Variants in ADIPOR2 observed in about 807,000 individuals in gnomAD.
ADIPOR2 encodes the protein adiponectin receptor protein 2.
A neutral mutation model predicts 40.9 loss-of-function variants in ADIPOR2; 18 were observed. That is an observed-to-expected ratio of 0.44 (90% CI 0.30 to 0.65). ADIPOR2 has a LOEUF of 0.65. ADIPOR2 is among the 30% of genes least tolerant of loss of function. The pLI, the probability that ADIPOR2 is intolerant of heterozygous loss-of-function variation, is 0.09. For missense variants in ADIPOR2, 283 were observed against 479.2 expected (o/e 0.59, Z 3.82); for synonymous variants, 165 against 166.4 (o/e 0.99, Z 0.06).
chr12:1,693,738 C>A (rs904718654), intron 1 of ADIPOR2, among the ~76,000 whole-genome samples: 3 of 151,926 alleles, frequency 2.0e-5, no homozygotes, highest in Admixed American at 6.6e-5. Context: ...GGGGTTTCAC[C>A]ATGTTGGCCA....
intron 1 of ADIPOR2, among the ~76,000 whole-genome samples, chr12:1,753,915 T>G (rs1215423642): frequency 6.6e-6 from 1 of 152,198 alleles, no homozygotes; most frequent in Non-Finnish European, 1.5e-5. Flanking sequence ...AAGTAAGTAT[T>G]CTTCTCACTT....
Position 1,754,453 on chromosome 12 carries a change from G to A in ADIPOR2, c.110G>A (p.Ser37Asn). 4 of 1,613,390 alleles carry A rather than the reference G, an allele frequency of 2.5e-6. No homozygotes were observed. Among genetic ancestry groups the A allele is most frequent in the East Asian group, 2.2e-5 (1 of 44,856 alleles). The change falls in exon 2 of 8, where the codon AGC (serine) becomes AAC (asparagine). Residue 37 changes from serine (S) to asparagine (N), a missense_variant. Transcript: ENST00000357103. The part of the protein sequence containing the change: ...LDGTRRGDND[S>N]HQGDLEPILE... ...GGTACACGAAGAGGTGATAATGACA[G>A]CCACCAAGGAGATTTGGAGCCCATT...
intron 1 of ADIPOR2, among the ~76,000 whole-genome samples, chr12:1,713,466 G>A (rs1270167174): frequency 6.6e-6 from 1 of 152,006 alleles, no homozygotes; most frequent in African/African-American, 2.4e-5. Flanking sequence ...AGGCCTTAAG[G>A]GATATTGCCT....
At chr12:1,711,537 T>C (rs2094676794) in intron 1 of ADIPOR2, among the ~76,000 whole-genome samples, 1 of 152,106 alleles carries the variant, frequency 6.6e-6, no homozygotes, top group African/African-American at 2.4e-5. Flanking sequence ...GACAGAAATT[T>C]ACCCTGGCTT....
At chr12:1,785,646 GCAAGAGAGTCTGTGTGTCATTTGCCA>G (rs1183608055) in intron 7 of ADIPOR2, among the ~76,000 whole-genome samples, 1 of 66,516 alleles carries the variant, frequency 1.5e-5, no homozygotes, top group Non-Finnish European at 4.7e-5. Flanking sequence ...TGCCACTTTA[GCAAGAGAGTCTGTGTGTCATTTGCCA>G]CTGGTTTCAG....
intron 2 of ADIPOR2, among the ~76,000 whole-genome samples, chr12:1,754,723 C>T (rs145116184): frequency 2.1e-5 from 2 of 95,508 alleles, no homozygotes; most frequent in Non-Finnish European, 2.5e-5. Context: ...ACTACTACTA[C>T]TACTACTACT....
At chr12:1,710,890 A>G (rs549675041) in intron 1 of ADIPOR2, among the ~76,000 whole-genome samples, 6 of 152,150 alleles carry the variant, frequency 3.9e-5, no homozygotes, top group Non-Finnish European at 4.4e-5. Flanking sequence ...GGAGGAAACA[A>G]ATTTGACAAG....
At chr12:1,783,209 T>A (rs1339900438) in intron 6 of ADIPOR2, among the ~76,000 whole-genome samples, 1 of 151,896 alleles carries the variant, frequency 6.6e-6, no homozygotes, top group African/African-American at 2.4e-5. Flanking sequence ...CAACAACGCC[T>A]GCTGCTTCAA....
chr12:1,742,159 C>A (rs2094744291), intron 1 of ADIPOR2, among the ~76,000 whole-genome samples: 1 of 152,220 alleles, frequency 6.6e-6, no homozygotes, highest in Non-Finnish European at 1.5e-5. Flanking sequence ...GTGGTGCGAT[C>A]ACAGCTGCTT....
chr12:1,757,663 TC>T (rs1252134495), intron 2 of ADIPOR2: 14 of 1,289,666 alleles, frequency 1.1e-5, no homozygotes, highest in Non-Finnish European at 1.6e-5. Flanking sequence ...GTATTTGGCC[TC>T]CTCAGGTGTA....
chr12:1,743,563 C>G (rs1027708630), intron 1 of ADIPOR2, among the ~76,000 whole-genome samples: 2 of 151,798 alleles, frequency 1.3e-5, no homozygotes, highest in African/African-American at 4.8e-5. Context: ...CTAAGCTTCT[C>G]TGGATGGAGG....
chr12:1,734,945 C>T (rs975970781), intron 1 of ADIPOR2, among the ~76,000 whole-genome samples: 6 of 150,934 alleles, frequency 4.0e-5, no homozygotes, highest in African/African-American at 1.5e-4. Context: ...GGGCTCTGTT[C>T]TGGTCTATAT....
chr12:1,693,120 A>G (rs1006505249), intron 1 of ADIPOR2, among the ~76,000 whole-genome samples: 1 of 152,126 alleles, frequency 6.6e-6, no homozygotes, highest in African/African-American at 2.4e-5. Context: ...GCACCATTGC[A>G]CTCCAGTCTG....
intron 2 of ADIPOR2, among the ~76,000 whole-genome samples, chr12:1,768,707 C>T (rs1259257807): frequency 1.3e-5 from 2 of 152,104 alleles, no homozygotes; most frequent in East Asian, 1.9e-4. Context: ...GTAAAGTGTA[C>T]TCTGGAAAAT....
chr12:1,748,302 G>C (rs1029947314), intron 1 of ADIPOR2, among the ~76,000 whole-genome samples: 1 of 152,132 alleles, frequency 6.6e-6, no homozygotes. Context: ...AGGCTGGAGT[G>C]CAGTGGCGCG....
In ADIPOR2 at chr12:1,754,275, G is replaced by A. The variant is rs1862064892; in HGVS notation, c.-69G>A. On this transcript the variant is annotated 5_prime_UTR_variant, in exon 2 of 8. Coordinates refer to ENST00000357103, the MANE Select transcript of ADIPOR2 (RefSeq NM_024551.3). ...CTTCTTAGGATCAACTCACTATCCT[G>A]AAGGTCCATTCTCCCAAGAAGAGGG... 7.1e-7 allele frequency: 1 copy of A among 1,412,348 alleles called. No individual in the cohort carries two copies. Among genetic ancestry groups the A allele is most frequent in the African/African-American group, 1.5e-5 (1 of 68,660 alleles). 87.5% of individuals were successfully genotyped at this position (1,412,348 alleles called of 1,614,324 possible).
chr12:1,733,140 T>G (rs1306090899), intron 1 of ADIPOR2, among the ~76,000 whole-genome samples: 2 of 152,204 alleles, frequency 1.3e-5, no homozygotes, highest in African/African-American at 4.8e-5. Context: ...CAAAGAACTT[T>G]TCACTGGTTC....
At chr12:1,754,699 T>TCACTAC (rs1862079322) in intron 2 of ADIPOR2, among the ~76,000 whole-genome samples, 185 bp downstream of exon 2, 1 of 103,542 alleles carries the variant, frequency 9.7e-6, no homozygotes, top group Non-Finnish European at 2.1e-5. Context: ...ATTATTATTA[T>TCACTAC]TACTACTACT....
chr12:1,764,173 G>A (rs1862326154), intron 2 of ADIPOR2, among the ~76,000 whole-genome samples: 1 of 152,134 alleles, frequency 6.6e-6, no homozygotes. Flanking sequence ...TTAACTGGGT[G>A]ATAAACATCT....
Sources: allele counts gnomAD v4.1 joint callset (sites outside exome capture counted in the v4.1 genomes callset), GRCh38; gene constraint gnomAD v4.1.1; transcripts MANE v1.5; gene names NCBI Gene and HGNC (gene_info 2026-07-23, HGNC 2026-07-21).